Variants in ADGRG2 observed in about 807,000 individuals in gnomAD.
ADGRG2 encodes the protein G protein-coupled receptor 64.
Under a neutral mutation model 74.1 loss-of-function variants are expected in ADGRG2, and 26 were observed. That is an observed-to-expected ratio of 0.35 (90% confidence interval 0.26 to 0.49). The LOEUF is 0.49. Ranked by LOEUF, ADGRG2 falls within the 20% of genes least tolerant of loss-of-function variation. The pLI is 0.99. For synonymous variants in ADGRG2, 296 were observed against 295.2 expected (o/e 1.00, Z -0.03); for missense variants, 619 against 763.1 (o/e 0.81, Z 2.22).
intron 1 of ADGRG2, among the ~76,000 whole-genome samples, chrX:19,104,007 G>T (rs1458434663): frequency 1.1e-4 from 12 of 111,809 alleles, no homozygotes; most frequent in Non-Finnish European, 1.9e-5. Context: ...CATAGATTGT[G>T]CCAAGGTTCA....
chrX:19,077,009 A>G (rs1407070162), intron 2 of ADGRG2, among the ~76,000 whole-genome samples: 4 of 111,664 alleles, frequency 3.6e-5, no homozygotes, highest in African/African-American at 1.3e-4. Flanking sequence ...TGAAAAGTTG[A>G]GTAGACATGT....
intron 3 of ADGRG2, among the ~76,000 whole-genome samples, chrX:19,066,412 C>CATTTCCT (rs61537612): frequency 0.19 from 18,197 of 96,897 alleles, 1,631 homozygotes; most frequent in East Asian, 0.4. Flanking sequence ...AAGTATCAAT[C>CATTTCCT]ATTTCCTAGT....
intron 13 of ADGRG2, chrX:19,021,408 A>C (rs2060586467): frequency 4.4e-6 from 2 of 452,175 alleles, no homozygotes; most frequent in South Asian, 2.6e-5. Context: ...ATGGAGGTTC[A>C]CATTCACAGA....
chrX:19,059,412 T>C (rs1481332843), intron 3 of ADGRG2, among the ~76,000 whole-genome samples: 2 of 111,401 alleles, frequency 1.8e-5, no homozygotes, highest in Non-Finnish European at 3.8e-5. Context: ...CTCCATTGCT[T>C]TGAGCTTCAG....
intron 14 of ADGRG2, 150 bp downstream of exon 14, chrX:19,020,954 C>CAA (rs759719047): frequency 1.8e-3 from 699 of 380,452 alleles, no homozygotes; most frequent in East Asian, 0.011. Context: ...GACTCTGCCT[C>CAA]AAAAAAAAAA....
At chrX:19,114,211 C>T (rs2062470229) in intron 1 of ADGRG2, among the ~76,000 whole-genome samples, 1 of 109,625 alleles carries the variant, frequency 9.1e-6, no homozygotes, top group African/African-American at 3.3e-5. Flanking sequence ...CACTGGGGAA[C>T]ACTTTATTTG....
intron 14 of ADGRG2, among the ~76,000 whole-genome samples, chrX:19,019,997 G>C (rs1311336558): frequency 5.4e-5 from 6 of 111,448 alleles, no homozygotes; most frequent in Non-Finnish European, 1.1e-4. Context: ...GACAAATACC[G>C]CATGATCTCA....
At position 19,095,110 on chromosome X, in the gene ADGRG2, G is replaced by A. The variant is rs147120439; in HGVS notation, c.-46-12364C>T. Among the ~76,000 whole-genome samples, 362 of 111,919 alleles carry A rather than the reference G, an allele frequency of 3.2e-3. 3 individuals carry two copies. Among genetic ancestry groups the A allele is most frequent in the African/African-American group, 0.011 (349 of 30,905 alleles). ...TCCTGCCTCCCGCAGGCGTCTGGAC[G>A]CTGCCTTTTCCCAAATGACCCTCCA... is the stretch of plus-strand genomic sequence containing the variant. On this transcript the variant is annotated intron_variant, in intron 1 of 28. Coordinates refer to ENST00000379869, the MANE Select transcript of ADGRG2 (RefSeq NM_001079858.3).
intron 3 of ADGRG2, among the ~76,000 whole-genome samples, chrX:19,068,411 G>A (rs2061599521): frequency 9.1e-6 from 1 of 110,061 alleles, no homozygotes; most frequent in Non-Finnish European, 1.9e-5. Context: ...CTTGCAATAA[G>A]CAAATACATA....
intron 2 of ADGRG2, among the ~76,000 whole-genome samples, chrX:19,074,817 C>T (rs974343728): frequency 1.9e-5 from 2 of 107,925 alleles, no homozygotes; most frequent in Non-Finnish European, 3.8e-5. Context: ...TTGATCCACC[C>T]GGCTCGGCCT....
At chrX:19,042,981 ACT>A (rs1392973748) in intron 3 of ADGRG2, among the ~76,000 whole-genome samples, 3 of 108,352 alleles carry the variant, frequency 2.8e-5, no homozygotes, top group African/African-American at 6.8e-5. Flanking sequence ...ACGGAGCCAA[ACT>A]CTGTTTCAAA....
chrX:19,095,441 G>A (rs1303480494), intron 1 of ADGRG2, among the ~76,000 whole-genome samples: 1 of 111,033 alleles, frequency 9.0e-6, no homozygotes, highest in East Asian at 2.8e-4. Context: ...GTGAGTTTAA[G>A]CTTGAACTCG....
intron 1 of ADGRG2, among the ~76,000 whole-genome samples, chrX:19,111,988 T>C (rs1569153248): frequency 9.2e-6 from 1 of 108,927 alleles, no homozygotes; most frequent in Admixed American, 9.9e-5. Context: ...AATACTAGAG[T>C]CGAAAATTAT....
chrX:19,020,392 C>T (rs2060564423), intron 14 of ADGRG2, among the ~76,000 whole-genome samples: 2 of 111,575 alleles, frequency 1.8e-5, no homozygotes, highest in Admixed American at 1.9e-4. Context: ...ATCCATTGAA[C>T]ATTCCAAAAA....
chrX:19,080,944 T>C (rs1191987391), intron 2 of ADGRG2, among the ~76,000 whole-genome samples: 2 of 109,662 alleles, frequency 1.8e-5, no homozygotes, highest in Non-Finnish European at 3.8e-5. Flanking sequence ...CATTCATTCA[T>C]CTAGTTGACG....
chrX:19,023,882 A>G, intron 12 of ADGRG2, 27 bp downstream of exon 12: 1 of 1,075,088 alleles, frequency 9.3e-7, no homozygotes, highest in Non-Finnish European at 1.3e-6. Flanking sequence ...ATAATTATAA[A>G]CAAGCTACAG....
intron 1 of ADGRG2, among the ~76,000 whole-genome samples, chrX:19,102,618 G>T (rs2062208524): frequency 9.1e-6 from 1 of 109,958 alleles, no homozygotes; most frequent in African/African-American, 3.3e-5. Flanking sequence ...AGATACTGGT[G>T]GGGGTGGGGA....
chrX:19,023,972 A>G, intron 11 of ADGRG2, 24 bp from the exon 12 acceptor site: 2 of 1,109,010 alleles, frequency 1.8e-6, no homozygotes, highest in Non-Finnish European at 2.5e-6. Flanking sequence ...AGAGAAATTG[A>G]CATTAAGGAG....
chrX:19,122,649 G>A (rs1386510502), upstream of ADGRG2: 1 of 109,711 alleles, frequency 9.1e-6, no homozygotes, highest in Non-Finnish European at 1.9e-5. Flanking sequence ...GAGGTGGGGA[G>A]CGGGCGGGGC....
Sources: allele counts gnomAD v4.1 joint callset (sites outside exome capture counted in the v4.1 genomes callset), GRCh38; gene constraint gnomAD v4.1.1; transcripts MANE v1.5; gene names NCBI Gene and HGNC (gene_info 2026-07-23, HGNC 2026-07-21).